INPP4B: variants seen among roughly 807,000 people sequenced by gnomAD.
INPP4B encodes inositol polyphosphate-4-phosphatase type II B, also known as inositol polyphosphate 4-phosphatase type II.
A neutral mutation model predicts 122.5 loss-of-function variants in INPP4B; 55 were observed. The observed-to-expected ratio is 0.45, with a 90% CI of 0.36 to 0.56. The LOEUF is 0.56. Ranked by LOEUF, INPP4B falls within the 20% of genes least tolerant of loss-of-function variation. The pLI is 0.00. For missense variants in INPP4B, 1,000 were observed against 1,097.7 expected, an observed-to-expected ratio of 0.91 and a Z score of 1.26; for synonymous variants, 403 against 388.7, an observed-to-expected ratio of 1.04 and a Z score of -0.43.
At chr4:142,594,954 CAAAA>C (rs70949177) in intron 2 of INPP4B, among the ~76,000 whole-genome samples, 1 of 58,044 alleles carries the variant, frequency 1.7e-5, no homozygotes, top group African/African-American at 7.0e-5. Context: ...GACTCTGTCT[CAAAA>C]AAAAAAAAAA....
chr4:142,229,796 C>T (rs1050838377), intron 12 of INPP4B, among the ~76,000 whole-genome samples: 2 of 152,116 alleles, frequency 1.3e-5, no homozygotes, highest in South Asian at 2.1e-4. Context: ...GTTACTGATG[C>T]TATGAAGACA....
At chr4:142,590,106 A>G (rs1196482946) in intron 2 of INPP4B, among the ~76,000 whole-genome samples, 1 of 152,144 alleles carries the variant, frequency 6.6e-6, no homozygotes, top group African/African-American at 2.4e-5. Context: ...AACTGATGAG[A>G]CAAGCAGGAA....
At chr4:142,151,199 C>T (rs763354733) in intron 17 of INPP4B, among the ~76,000 whole-genome samples, 2 of 152,164 alleles carry the variant, frequency 1.3e-5, no homozygotes, top group Non-Finnish European at 2.9e-5. Flanking sequence ...TTCATCCAGA[C>T]TGTTAGGTAA....
At chr4:142,688,629 T>C (rs1234575174) in intron 2 of INPP4B, among the ~76,000 whole-genome samples, 3 of 152,180 alleles carry the variant, frequency 2.0e-5, no homozygotes, top group African/African-American at 7.2e-5. Context: ...TTCCTGGGCA[T>C]AGGCTGAACT....
At position 142,367,188 on chromosome 4, in the gene INPP4B, A is replaced by ATGTGTGTGTGTGTGTG. The variant is rs5862590; in HGVS notation, c.372+35734_372+35749dup. ...AATAGTGTGTATGTATACATGTAAT[A>ATGTGTGTGTGTGTGTG]TGTGTGTGTGTGTGTGTGTGTGTGT... is the stretch of plus-strand genomic sequence containing the variant. On this transcript the variant is annotated intron_variant, in intron 7 of 25. Transcript: ENST00000262992. Among the ~76,000 whole-genome samples, 236 of 132,778 alleles carry ATGTGTGTGTGTGTGTG rather than the reference A, an allele frequency of 1.8e-3. 3 individuals are homozygous for ATGTGTGTGTGTGTGTG. Among genetic ancestry groups the ATGTGTGTGTGTGTGTG allele is most frequent in the Middle Eastern group, 3.8e-3 (1 of 262 alleles). 87.1% of individuals were successfully genotyped at this position (132,778 alleles called of 152,430 possible).
At chr4:142,582,264 T>C (rs1406870611) in intron 2 of INPP4B, among the ~76,000 whole-genome samples, 2 of 151,928 alleles carry the variant, frequency 1.3e-5, no homozygotes, top group Non-Finnish European at 2.9e-5. Context: ...AAGTATAAAT[T>C]AGTTTTCAAA....
chr4:142,278,213 A>C (rs892015114), intron 9 of INPP4B, among the ~76,000 whole-genome samples: 1 of 151,882 alleles, frequency 6.6e-6, no homozygotes, highest in African/African-American at 2.4e-5. Context: ...GACCAAAACT[A>C]AATAGCACCA....
chr4:142,629,713 G>A (rs936322567), intron 2 of INPP4B, among the ~76,000 whole-genome samples: 1 of 152,088 alleles, frequency 6.6e-6, no homozygotes, highest in African/African-American at 2.4e-5. Flanking sequence ...GGTGTGAGGG[G>A]GCAATAGTAA....
intron 25 of INPP4B, among the ~76,000 whole-genome samples, chr4:142,064,094 AT>A (rs1363973515): frequency 6.6e-6 from 1 of 152,198 alleles, no homozygotes; most frequent in African/African-American, 2.4e-5. Context: ...ATTATGTACA[AT>A]TTCTGTGTAC....
intron 2 of INPP4B, among the ~76,000 whole-genome samples, chr4:142,604,475 A>T (rs1043297585): frequency 2.6e-5 from 4 of 152,072 alleles, no homozygotes; most frequent in Non-Finnish European, 4.4e-5. Flanking sequence ...ATTTAGAAAA[A>T]CCAAAAGACT....
chr4:142,360,104 G>A (rs1784910007), intron 7 of INPP4B, among the ~76,000 whole-genome samples: 1 of 151,844 alleles, frequency 6.6e-6, no homozygotes, highest in Admixed American at 6.6e-5. Flanking sequence ...TAACATTTAG[G>A]TAATTTTAAC....
At chr4:142,454,669 C>A (rs1388848790) in intron 3 of INPP4B, among the ~76,000 whole-genome samples, 1 of 152,076 alleles carries the variant, frequency 6.6e-6, no homozygotes, top group East Asian at 1.9e-4. Context: ...TGGATCCAAA[C>A]AGCCTAGGCC....
chr4:142,282,699 T>C (rs1030728752), intron 9 of INPP4B, among the ~76,000 whole-genome samples: 1 of 152,124 alleles, frequency 6.6e-6, no homozygotes, highest in Non-Finnish European at 1.5e-5. Context: ...GCAGTTCACA[T>C]GGTGGTTTGC....
rs546113144 is a variant in INPP4B, at chr4:142,329,166, A to G, written c.373-14404T>C. On this transcript the variant is annotated intron_variant, in intron 7 of 25. Transcript: ENST00000262992. ...AAATGTGTAAAGAAAGTAAAATATT[A>G]AAATACGGTAATAAAATACAGTGTA... Among the ~76,000 whole-genome samples the G allele has an allele frequency of 4.3e-4, 66 of 152,392 alleles. No homozygotes were observed. In the South Asian group the frequency reaches 0.013, roughly 31 times the overall value.
At chr4:142,362,907 C>T (rs138745433) in intron 7 of INPP4B, among the ~76,000 whole-genome samples, 9 of 152,040 alleles carry the variant, frequency 5.9e-5, no homozygotes, top group East Asian at 5.8e-4. Flanking sequence ...ATTTGGGTGA[C>T]GGAATCAATG....
intron 2 of INPP4B, among the ~76,000 whole-genome samples, chr4:142,463,604 T>C (rs1178892654): frequency 1.3e-5 from 2 of 152,190 alleles, no homozygotes; most frequent in Admixed American, 6.5e-5. Flanking sequence ...TGTATTCCCA[T>C]CCAAGTCTCA....
intron 1 of INPP4B, among the ~76,000 whole-genome samples, chr4:142,822,332 C>CTTACACACTGTGCCTTAAAGCAGGGG (rs1780888007): frequency 6.6e-6 from 1 of 152,160 alleles, no homozygotes; most frequent in South Asian, 2.1e-4. Context: ...GAAACAATGG[C>CTTACACACTGTGCCTTAAAGCAGGGG]TTACACACTG....
intron 2 of INPP4B, among the ~76,000 whole-genome samples, chr4:142,513,756 C>T (rs1317961456): frequency 6.6e-6 from 1 of 152,126 alleles, no homozygotes; most frequent in Non-Finnish European, 1.5e-5. Context: ...GAGGGCTTTG[C>T]CTTCATGATT....
At chr4:142,087,136 G>C (rs546083247) in intron 23 of INPP4B, among the ~76,000 whole-genome samples, 1 of 152,126 alleles carries the variant, frequency 6.6e-6, no homozygotes, top group Non-Finnish European at 1.5e-5. Flanking sequence ...TCTACCATTC[G>C]CATGCCAGTA....
Sources: gnomAD v4.1 joint callset for allele counts (sites outside exome capture counted in the v4.1 genomes callset) on GRCh38, gnomAD v4.1.1 for gene constraint, MANE v1.5 for transcripts, NCBI Gene and HGNC (gene_info 2026-07-23, HGNC 2026-07-21) for gene names.